The following RGS6 variants were observed in gnomAD, a reference collection of about 807,000 sequenced individuals.
RGS6 encodes the protein regulator of G protein signaling 6.
A neutral mutation model predicts 78.5 loss-of-function variants in RGS6; 30 were observed. The observed-to-expected ratio is 0.38, with a 90% CI of 0.29 to 0.52. RGS6 has a LOEUF of 0.52. Among genes scored for constraint, RGS6 ranks in the 20% least tolerant of loss-of-function variants. The probability of loss-of-function intolerance (pLI) is 0.85; values close to 1 mark genes in which losing one functional copy is unlikely to be tolerated. For missense variants in RGS6, 495 were observed against 609.7 expected, an observed-to-expected ratio of 0.81 and a Z score of 1.98; for synonymous variants, 206 against 206.0, an observed-to-expected ratio of 1.00 and a Z score of 0.00.
intron 2 of RGS6, among the ~76,000 whole-genome samples, chr14:72,272,169 C>T (rs2060046138): frequency 2.0e-5 from 3 of 152,124 alleles, no homozygotes; most frequent in Non-Finnish European, 4.4e-5. Context: ...TCTAAAGGCA[C>T]TGATTTTTTT....
At chr14:72,266,079 G>C (rs1032509492) in intron 2 of RGS6, among the ~76,000 whole-genome samples, 1 of 152,108 alleles carries the variant, frequency 6.6e-6, no homozygotes, top group Non-Finnish European at 1.5e-5. Flanking sequence ...TCATGATTTT[G>C]TGGATCGGGA....
chr14:72,360,971 C>T (rs1338327324), intron 3 of RGS6, among the ~76,000 whole-genome samples: 1 of 152,118 alleles, frequency 6.6e-6, no homozygotes, highest in African/African-American at 2.4e-5. Flanking sequence ...GTTTCTTCTT[C>T]ACAGACTCTC....
intron 2 of RGS6, among the ~76,000 whole-genome samples, chr14:72,145,607 T>C (rs1380262603): frequency 6.6e-6 from 1 of 152,126 alleles, no homozygotes; most frequent in Non-Finnish European, 1.5e-5. Flanking sequence ...GCCTCCCAAG[T>C]AGGTAGGATT....
At chr14:72,218,571 A>C (rs563081150) in intron 2 of RGS6, among the ~76,000 whole-genome samples, 6 of 152,176 alleles carry the variant, frequency 3.9e-5, no homozygotes, top group African/African-American at 1.4e-4. Context: ...CCATCAATAC[A>C]TAACCTTGTT....
chr14:71,986,347 G>A (rs146090336), intron 2 of RGS6, among the ~76,000 whole-genome samples: 108 of 152,232 alleles, frequency 7.1e-4, no homozygotes, highest in African/African-American at 2.5e-3. Flanking sequence ...TGTCTGTAAC[G>A]TTTTCAGCAG....
the RGS6 span, among the ~76,000 whole-genome samples, chr14:72,604,078 T>C: frequency 6.6e-6 from 1 of 152,162 alleles, no homozygotes; most frequent in Non-Finnish European, 1.5e-5. Context: ...GACTAGTTGC[T>C]GGAAGATCTC....
At chr14:72,614,992 C>A in the RGS6 span, among the ~76,000 whole-genome samples, 1 of 149,786 alleles carries the variant, frequency 6.7e-6, no homozygotes, top group Non-Finnish European at 1.5e-5. Context: ...CACCAAGTCA[C>A]CACTGCTACC....
intron 2 of RGS6, among the ~76,000 whole-genome samples, chr14:71,999,474 ACT>A (rs1403907237): frequency 1.3e-5 from 2 of 152,164 alleles, no homozygotes; most frequent in African/African-American, 4.8e-5. Flanking sequence ...GAAAGGTATA[ACT>A]CTAACAGGTG....
At chr14:72,461,702 A>G (rs1379449468) in intron 6 of RGS6, among the ~76,000 whole-genome samples, 1 of 152,118 alleles carries the variant, frequency 6.6e-6, no homozygotes, top group Non-Finnish European at 1.5e-5. Flanking sequence ...TAAAACAAAG[A>G]AAAACCAGTA....
At chr14:72,011,778 T>TG (rs1328383373) in intron 2 of RGS6, among the ~76,000 whole-genome samples, 11 of 152,100 alleles carry the variant, frequency 7.2e-5, no homozygotes, top group East Asian at 1.9e-4. Context: ...TGGTATCCTC[T>TG]GGGGGGGTAC....
At chr14:72,113,608 T>A (rs2095821557) in intron 2 of RGS6, among the ~76,000 whole-genome samples, 1 of 152,200 alleles carries the variant, frequency 6.6e-6, no homozygotes, top group African/African-American at 2.4e-5. Context: ...AAAAGTTAGT[T>A]AATTATTATT....
intron 2 of RGS6, among the ~76,000 whole-genome samples, chr14:72,211,281 G>T (rs1213643754): frequency 6.6e-6 from 1 of 152,176 alleles, no homozygotes; most frequent in Non-Finnish European, 1.5e-5. Flanking sequence ...ACAGTGTCAG[G>T]TGCAGCTAAA....
chr14:72,473,002 A>G, intron 9 of RGS6, 49 bp downstream of exon 9: 3 of 1,352,024 alleles, frequency 2.2e-6, no homozygotes, highest in Non-Finnish European at 3.1e-6. Context: ...TTAATTGTTC[A>G]TTTTTATCTC....
the RGS6 span, chr14:72,612,644 T>C: frequency 2.9e-5 from 15 of 518,014 alleles, no homozygotes; most frequent in Admixed American, 7.8e-5. Context: ...GGAGTAGACA[T>C]GGAAGGGCAA....
chr14:72,091,092 G>T (rs566971848), intron 2 of RGS6, among the ~76,000 whole-genome samples: 1 of 151,554 alleles, frequency 6.6e-6, no homozygotes, highest in Non-Finnish European at 1.5e-5. Flanking sequence ...GTTTCAACAC[G>T]CCCTCCAGCT....
chr14:72,339,835 T>C (rs2152667521), intron 2 of RGS6, among the ~76,000 whole-genome samples: 1 of 152,320 alleles, frequency 6.6e-6, no homozygotes, highest in South Asian at 2.1e-4. Context: ...CTGCTGGGTC[T>C]CAGGCAACAC....
At position 72,540,036 on chromosome 14, in the gene RGS6, T is replaced by A; in HGVS notation, c.1369-5T>A. 1 of 1,561,248 alleles carries A rather than the reference T, an allele frequency of 6.4e-7. No individual in the cohort carries two copies. Among genetic ancestry groups the A allele is most frequent in the Non-Finnish European group, 8.6e-7 (1 of 1,165,222 alleles). The stretch of plus-strand genomic sequence containing the variant: ...TCTCCCTACCCTTTTTTTTTTTTCC[T>A]AAAGCCAGAAAGTGAGCAAGGTCGT... On this transcript the variant is annotated splice_region_variant and splice_polypyrimidine_tract_variant and intron_variant, in intron 16 of 17. Coordinates refer to ENST00000553525, the MANE Select transcript of RGS6 (RefSeq NM_001204424.2).
intron 1 of RGS6, among the ~76,000 whole-genome samples, chr14:71,964,370 G>A (rs2093390168): frequency 6.6e-6 from 1 of 152,178 alleles, no homozygotes; most frequent in Non-Finnish European, 1.5e-5. Context: ...GCTGGGTGTG[G>A]TGGCACATGC....
chr14:72,216,128 A>T (rs1285789609), intron 2 of RGS6, among the ~76,000 whole-genome samples: 1 of 152,220 alleles, frequency 6.6e-6, no homozygotes. Flanking sequence ...GTTTCACCTT[A>T]TTCTGTAGGT....
Sources: allele counts gnomAD v4.1 joint callset (sites outside exome capture counted in the v4.1 genomes callset), GRCh38; gene constraint gnomAD v4.1.1; transcripts MANE v1.5; gene names NCBI Gene and HGNC (gene_info 2026-07-23, HGNC 2026-07-21).